CORO2B: variants seen among roughly 807,000 people sequenced by gnomAD.
CORO2B encodes coronin 2B.
In CORO2B, 26 loss-of-function variants were observed where a neutral mutation model predicts 58.8. That is an observed-to-expected ratio of 0.44 (90% CI 0.32 to 0.61). CORO2B has a LOEUF of 0.61. Ranked by LOEUF, CORO2B falls within the 20% of genes least tolerant of loss-of-function variation. The pLI, the probability that CORO2B is intolerant of heterozygous loss-of-function variation, is 0.04. For missense variants in CORO2B, 460 were observed against 645.1 expected (o/e 0.71, Z 3.11); for synonymous variants, 242 against 253.8 (o/e 0.95, Z 0.44).
intron 1 of CORO2B, among the ~76,000 whole-genome samples, chr15:68,609,956 A>C (rs1900210277): frequency 6.6e-6 from 1 of 152,102 alleles, no homozygotes; most frequent in Admixed American, 6.5e-5. Context: ...TCCCCAGGGG[A>C]CCCTGTAATT....
At chr15:68,582,510 C>G (rs1899453132) in intron 1 of CORO2B, among the ~76,000 whole-genome samples, 1 of 152,212 alleles carries the variant, frequency 6.6e-6, no homozygotes, top group Non-Finnish European at 1.5e-5. Context: ...TCTTCAGGTT[C>G]TTCTGACTGC....
chr15:68,556,690 A>C, the CORO2B span, among the ~76,000 whole-genome samples: 1 of 152,196 alleles, frequency 6.6e-6, no homozygotes, highest in African/African-American at 2.4e-5. Flanking sequence ...CAGTTCCTGC[A>C]CTGGTAAGAA....
At chr15:68,666,184 G>T (rs1902184362) in intron 2 of CORO2B, among the ~76,000 whole-genome samples, 1 of 152,322 alleles carries the variant, frequency 6.6e-6, no homozygotes, top group African/African-American at 2.4e-5. Context: ...GTTTGAGGTA[G>T]AGAAGAGGCT....
At chr15:68,676,898 A>G (rs778437416) in intron 2 of CORO2B, among the ~76,000 whole-genome samples, 10 of 151,988 alleles carry the variant, frequency 6.6e-5, no homozygotes, top group Non-Finnish European at 1.5e-4. Context: ...AGCCTCCCCA[A>G]GTAGCTGGGA....
At chr15:68,545,223 A>G in the CORO2B span, among the ~76,000 whole-genome samples, 57 of 152,322 alleles carry the variant, frequency 3.7e-4, no homozygotes, top group African/African-American at 1.2e-3. Context: ...AAACCTTGCC[A>G]TGGAGTCTTC....
intron 3 of CORO2B, among the ~76,000 whole-genome samples, chr15:68,703,860 A>G (rs571316541): frequency 1.3e-5 from 2 of 152,230 alleles, no homozygotes; most frequent in South Asian, 2.1e-4. Context: ...ACTTCATATC[A>G]TATGTATTGA....
chr15:68,585,352 A>G (rs1899524476), intron 1 of CORO2B, among the ~76,000 whole-genome samples: 1 of 152,216 alleles, frequency 6.6e-6, no homozygotes, highest in South Asian at 2.1e-4. Flanking sequence ...TCCACAACCC[A>G]TGAAGATTAA....
chr15:68,691,937 T>A (rs550267385), intron 2 of CORO2B, among the ~76,000 whole-genome samples: 1 of 152,228 alleles, frequency 6.6e-6, no homozygotes, highest in Non-Finnish European at 1.5e-5. Context: ...CACACAGCTC[T>A]GCTCAGGGAA....
chr15:68,710,219 G>A lies in CORO2B; in HGVS notation c.334-513G>A, dbSNP rs1892881092. On this transcript the variant is annotated intron_variant, in intron 3 of 11. Transcript: ENST00000261861. The surrounding 1 kb of genome is among the most constrained non-coding windows in gnomAD (Gnocchi z 4.1). ...TGCCTTCAAGTCCACCATCTCTCAGGAGAGACCTGGGGCCCCTCAGCCTCC... is the reference window on the plus strand; with the variant it reads ...TGCCTTCAAGTCCACCATCTCTCAGAAGAGACCTGGGGCCCCTCAGCCTCC... 6.6e-6 allele frequency among the ~76,000 whole-genome samples: 1 copy of A among 152,174 alleles called. No homozygotes were observed. Among genetic ancestry groups the A allele is most frequent in the African/African-American group, 2.4e-5 (1 of 41,452 alleles).
At chr15:68,627,160 G>A (rs547150672) in intron 1 of CORO2B, among the ~76,000 whole-genome samples, 17 of 152,224 alleles carry the variant, frequency 1.1e-4, no homozygotes, top group Admixed American at 2.0e-4. Context: ...GCTTCTAAAC[G>A]TATTACTTAT....
chr15:68,597,901 C>G (rs1899881293), intron 1 of CORO2B, among the ~76,000 whole-genome samples: 1 of 152,130 alleles, frequency 6.6e-6, no homozygotes, highest in African/African-American at 2.4e-5. Context: ...CCAGGGGGAT[C>G]CAGTGAGGAC....
intron 2 of CORO2B, among the ~76,000 whole-genome samples, chr15:68,666,950 T>G (rs1295586799): frequency 1.3e-5 from 2 of 152,102 alleles, no homozygotes; most frequent in East Asian, 3.9e-4. Flanking sequence ...TTGGGTGAGA[T>G]TTGGCTCTGG....
At chr15:68,675,512 A>G (rs1902552531) in intron 2 of CORO2B, among the ~76,000 whole-genome samples, 1 of 152,166 alleles carries the variant, frequency 6.6e-6, no homozygotes, top group Non-Finnish European at 1.5e-5. Flanking sequence ...TGTAAATTCT[A>G]GTTTGAGCTT....
chr15:68,670,264 C>A (rs1019993343), intron 2 of CORO2B, among the ~76,000 whole-genome samples: 1 of 151,996 alleles, frequency 6.6e-6, no homozygotes, highest in Non-Finnish European at 1.5e-5. Flanking sequence ...AACCTCCACC[C>A]GCTGGGTTTA....
intron 1 of CORO2B, among the ~76,000 whole-genome samples, chr15:68,644,045 A>G (rs1241829978): frequency 4.7e-5 from 7 of 149,178 alleles, no homozygotes; most frequent in Non-Finnish European, 7.5e-5. Flanking sequence ...CAAACAAACA[A>G]AAAGAAAAAC....
chr15:68,676,655 C>T (rs1389135041), intron 2 of CORO2B, among the ~76,000 whole-genome samples: 2 of 152,230 alleles, frequency 1.3e-5, no homozygotes, highest in African/African-American at 4.8e-5. Flanking sequence ...CACCTCTGTG[C>T]TAGCATGCGC....
intron 9 of CORO2B, 113 bp downstream of exon 9, chr15:68,718,923 G>C: frequency 1.0e-6 from 1 of 969,944 alleles, no homozygotes; most frequent in Non-Finnish European, 1.6e-6. Context: ...GTGAACTGGG[G>C]TCTTCAAACC....
At chr15:68,715,380 C>T in intron 8 of CORO2B, 69 bp downstream of exon 8, 1 of 1,101,238 alleles carries the variant, frequency 9.1e-7, no homozygotes, top group Non-Finnish European at 1.4e-6. Flanking sequence ...CCATGGGTCA[C>T]CCCCTCCCTT....
the CORO2B span, among the ~76,000 whole-genome samples, chr15:68,561,920 G>A: frequency 6.6e-6 from 1 of 152,138 alleles, no homozygotes; most frequent in African/African-American, 2.4e-5. Context: ...AGTGTGTGTT[G>A]TGAGTGTGTA....
Sources: gnomAD v4.1 joint callset for allele counts (sites outside exome capture counted in the v4.1 genomes callset) on GRCh38, gnomAD v4.1.1 for gene constraint, Gnocchi (gnomAD v3.1) non-coding constraint, MANE v1.5 for transcripts, NCBI Gene and HGNC (gene_info 2026-07-23, HGNC 2026-07-21) for gene names.